LTBP1: variants seen among roughly 807,000 people sequenced by gnomAD.
LTBP1 encodes the protein latent-transforming growth factor beta-binding protein 1.
Under a neutral mutation model 207.6 loss-of-function variants are expected in LTBP1, and 129 were observed. The observed-to-expected ratio is 0.62, with a 90% CI of 0.54 to 0.72. The LOEUF (loss-of-function observed/expected upper bound fraction) is 0.72, where lower values mean the gene tolerates loss of function less well. Ranked by LOEUF, LTBP1 falls within the 30% of genes least tolerant of loss-of-function variation. LTBP1 has a pLI of 0.00. For missense variants in LTBP1, 2,281 were observed against 2,217.2 expected, an observed-to-expected ratio of 1.03 and a Z score of -0.58; for synonymous variants, 963 against 833.7, an observed-to-expected ratio of 1.16 and a Z score of -2.67.
At chr2:33,320,673 A>T (rs1046890295) in intron 24 of LTBP1, among the ~76,000 whole-genome samples, 4 of 152,220 alleles carry the variant, frequency 2.6e-5, no homozygotes, top group African/African-American at 9.6e-5. Context: ...TGCAGCTGTC[A>T]ACATGAATTC....
chr2:33,041,195 G>A (rs1219515569), intron 3 of LTBP1, among the ~76,000 whole-genome samples: 1 of 152,068 alleles, frequency 6.6e-6, no homozygotes, highest in Non-Finnish European at 1.5e-5. Context: ...TCACTGTCTT[G>A]TCTGGGTCAG....
At chr2:33,219,714 A>G (rs1308432444) in intron 8 of LTBP1, among the ~76,000 whole-genome samples, 4 of 152,078 alleles carry the variant, frequency 2.6e-5, no homozygotes, top group Admixed American at 2.0e-4. Flanking sequence ...TACCTTCCCC[A>G]TCTGTCTTAT....
chr2:33,234,051 A>C (rs1447452213), intron 9 of LTBP1, among the ~76,000 whole-genome samples: 3 of 152,122 alleles, frequency 2.0e-5, no homozygotes, highest in Admixed American at 1.3e-4. Flanking sequence ...CGAACTTTCA[A>C]ATAATTCAGT....
chr2:33,147,393 C>G (rs1275766121), intron 5 of LTBP1, among the ~76,000 whole-genome samples: 1 of 152,138 alleles, frequency 6.6e-6, no homozygotes, highest in African/African-American at 2.4e-5. Context: ...TGAGATTCTG[C>G]ATTTCTACCA....
At position 33,322,356 on chromosome 2, in the gene LTBP1, C is replaced by T. The variant is rs115858431; in HGVS notation, c.3730+7087C>T. Among the ~76,000 whole-genome samples the T allele has an allele frequency of 5.4e-3, 826 of 152,314 alleles. 10 individuals are homozygous for T. Among genetic ancestry groups the T allele is most frequent in the African/African-American group, 0.019 (791 of 41,558 alleles). ...CTACATCTGACTCCTTTGATGTCAA[C>T]AACCCGAGTCCTTTTTAGATCATGG... On this transcript the variant is annotated intron_variant, in intron 24 of 33. Coordinates refer to ENST00000404816, the MANE Select transcript of LTBP1 (RefSeq NM_206943.4).
At chr2:33,254,851 G>GTTTTTTT (rs1558893129) in intron 11 of LTBP1, among the ~76,000 whole-genome samples, 1 of 7,062 alleles carries the variant, frequency 1.4e-4, no homozygotes, top group African/African-American at 8.8e-4. Flanking sequence ...TGCGGTGTTT[G>GTTTTTTT]GTTTTTTTTT....
At chr2:33,294,601 C>CA (rs2093838495) in intron 20 of LTBP1, among the ~76,000 whole-genome samples, 1 of 120,044 alleles carries the variant, frequency 8.3e-6, no homozygotes, top group African/African-American at 3.3e-5. Flanking sequence ...TTTTTGGAGA[C>CA]AGAGTCTTGC....
At chr2:33,039,099 C>T (rs1248977432) in intron 3 of LTBP1, among the ~76,000 whole-genome samples, 1 of 152,172 alleles carries the variant, frequency 6.6e-6, no homozygotes, top group East Asian at 1.9e-4. Context: ...AACATGTACT[C>T]GAAGAGTACT....
intron 2 of LTBP1, among the ~76,000 whole-genome samples, chr2:32,992,781 C>G (rs1467330653): frequency 6.6e-6 from 1 of 152,028 alleles, no homozygotes; most frequent in East Asian, 1.9e-4. Flanking sequence ...AGGAGGAGAT[C>G]CTGCAGGGGG....
At chr2:33,070,403 C>T (rs1405860280) in intron 3 of LTBP1, among the ~76,000 whole-genome samples, 2 of 152,180 alleles carry the variant, frequency 1.3e-5, no homozygotes, top group Admixed American at 6.5e-5. Flanking sequence ...TGCTGTCAGG[C>T]GGTGGGTGGC....
At chr2:33,241,266 A>G (rs562034294) in intron 9 of LTBP1, among the ~76,000 whole-genome samples, 3 of 152,302 alleles carry the variant, frequency 2.0e-5, no homozygotes, top group Admixed American at 6.5e-5. Flanking sequence ...TAAAACAGTC[A>G]TAACAGGAAG....
At chr2:33,044,534 T>A (rs970160176) in intron 3 of LTBP1, among the ~76,000 whole-genome samples, 1 of 152,226 alleles carries the variant, frequency 6.6e-6, no homozygotes, top group African/African-American at 2.4e-5. Context: ...TTTGGGTTGA[T>A]TCCAAGTCCT....
intron 3 of LTBP1, chr2:33,056,448 CTGT>C: frequency 1.0e-6 from 1 of 955,854 alleles, no homozygotes; most frequent in South Asian, 2.2e-5. Context: ...GTTTAGTTCC[CTGT>C]TGTTGCAAAT....
At chr2:32,954,655 G>GTTTT (rs1177927112) in intron 2 of LTBP1, among the ~76,000 whole-genome samples, 1 of 141,624 alleles carries the variant, frequency 7.1e-6, no homozygotes, top group Non-Finnish European at 1.5e-5. Flanking sequence ...TCAACACTTT[G>GTTTT]TTTTTTTTTT....
At chr2:32,978,667 T>A (rs1434526345) in intron 2 of LTBP1, among the ~76,000 whole-genome samples, 2 of 102,010 alleles carry the variant, frequency 2.0e-5, no homozygotes, top group East Asian at 2.0e-4. Context: ...TTTTTTTTAA[T>A]TTTTTTTTTT....
chr2:33,363,575 T>A, intron 29 of LTBP1, 57 bp downstream of exon 29: 1 of 1,549,890 alleles, frequency 6.5e-7, no homozygotes. Flanking sequence ...ATGGAAAAAA[T>A]AACTATGCTA....
At chr2:33,359,506 A>G (rs2094902456) in intron 26 of LTBP1, among the ~76,000 whole-genome samples, 1 of 152,232 alleles carries the variant, frequency 6.6e-6, no homozygotes, top group South Asian at 2.1e-4. Flanking sequence ...GTATGTGTGG[A>G]CATTAAACTC....
At position 33,251,430 on chromosome 2, in the gene LTBP1, G is replaced by A. The variant is rs138940765; in HGVS notation, c.2000-1247G>A. Among the ~76,000 whole-genome samples the A allele has an allele frequency of 5.6e-3, 855 of 152,254 alleles. 10 individuals are homozygous for A. Among genetic ancestry groups the A allele is most frequent in the African/African-American group, 0.02 (818 of 41,550 alleles). On this transcript the variant is annotated intron_variant, in intron 10 of 33. Coordinates refer to ENST00000404816, the MANE Select transcript of LTBP1 (RefSeq NM_206943.4). ...AATCCCAGCACTTTGGGAGGCCGAG[G>A]CGTGCGGATCACAAGGTCAGGAGAT...
At chr2:32,956,519 C>A (rs1678098484) in intron 2 of LTBP1, among the ~76,000 whole-genome samples, 1 of 152,194 alleles carries the variant, frequency 6.6e-6, no homozygotes, top group Admixed American at 6.5e-5. Flanking sequence ...GCAATTCAGT[C>A]CCATCTTCAG....
Sources: gnomAD v4.1 joint callset for allele counts (sites outside exome capture counted in the v4.1 genomes callset) on GRCh38, gnomAD v4.1.1 for gene constraint, MANE v1.5 for transcripts, NCBI Gene and HGNC (gene_info 2026-07-23, HGNC 2026-07-21) for gene names.